The following RNF128 variants were observed in gnomAD, a reference collection of about 807,000 sequenced individuals.
RNF128 encodes the protein ring finger protein 128.
Under a neutral mutation model 26.2 loss-of-function variants are expected in RNF128, and 13 were observed. The ratio of observed to expected loss-of-function variants is 0.50; its 90% CI spans 0.32 to 0.79. The LOEUF (loss-of-function observed/expected upper bound fraction) is 0.79, where lower values mean the gene tolerates loss of function less well. Ranked by LOEUF, RNF128 falls within the 30% of genes least tolerant of loss-of-function variation. RNF128 has a pLI of 0.03. For missense variants in RNF128, 315 were observed against 349.7 expected (o/e 0.90, Z 0.79); for synonymous variants, 149 against 142.5 (o/e 1.05, Z -0.32).
At chrX:106,764,012 G>C (rs1930169155) in intron 1 of RNF128, among the ~76,000 whole-genome samples, 2 of 109,415 alleles carry the variant, frequency 1.8e-5, no homozygotes. Context: ...GCCCAGGCTG[G>C]AGTGCAGTGG....
At chrX:106,751,920 C>T (rs1929897423) in intron 1 of RNF128, among the ~76,000 whole-genome samples, 1 of 109,866 alleles carries the variant, frequency 9.1e-6, no homozygotes, top group Non-Finnish European at 1.9e-5. Flanking sequence ...AGGTGTGACC[C>T]AGCACATTCC....
intron 1 of RNF128, among the ~76,000 whole-genome samples, chrX:106,718,939 T>A (rs989646922): frequency 8.9e-6 from 1 of 111,777 alleles, no homozygotes; most frequent in Non-Finnish European, 1.9e-5. Flanking sequence ...GTTTGAGTCC[T>A]GTGCAGCTGC....
chrX:106,718,457 G>A (rs1363930576), intron 1 of RNF128, among the ~76,000 whole-genome samples: 1 of 111,359 alleles, frequency 9.0e-6, no homozygotes, highest in Non-Finnish European at 1.9e-5. Context: ...CTATGAAGAA[G>A]ATAAAATATT....
chrX:106,715,382 C>A (rs1390196962), intron 1 of RNF128, among the ~76,000 whole-genome samples: 1 of 112,227 alleles, frequency 8.9e-6, no homozygotes, highest in African/African-American at 3.2e-5. Flanking sequence ...CTTTTATAAT[C>A]AGACACAAGC....
intron 1 of RNF128, among the ~76,000 whole-genome samples, chrX:106,705,752 G>A (rs371015713): frequency 7.1e-5 from 8 of 112,060 alleles, no homozygotes; most frequent in African/African-American, 2.6e-4. Flanking sequence ...ATTAGCTGCA[G>A]TTGGAGGCCA....
chrX:106,788,321 A>AATATTATATATACTATATATAATAT (rs1930695592), intron 4 of RNF128, among the ~76,000 whole-genome samples: 3 of 52,691 alleles, frequency 5.7e-5, no homozygotes, highest in East Asian at 1.2e-3. Flanking sequence ...AATATGTATT[A>AATATTATATATACTATATATAATAT]ATATTATATA....
chrX:106,702,805 C>G (rs1220722939), intron 1 of RNF128, among the ~76,000 whole-genome samples: 1 of 111,697 alleles, frequency 9.0e-6, no homozygotes, highest in Non-Finnish European at 1.9e-5. Context: ...TTTGACAGAA[C>G]AGTGGAAGAG....
At chrX:106,744,942 G>A (rs957545284) in intron 1 of RNF128, among the ~76,000 whole-genome samples, 20 of 111,314 alleles carry the variant, frequency 1.8e-4, no homozygotes, top group African/African-American at 6.2e-4. Flanking sequence ...TATGTGATAC[G>A]TTAAACATAA....
upstream of RNF128, among the ~76,000 whole-genome samples, chrX:106,724,976 T>C (rs1192695407): frequency 8.9e-6 from 1 of 112,561 alleles, no homozygotes; most frequent in East Asian, 2.8e-4. Flanking sequence ...AAAACATTAA[T>C]AAATGTCTCT....
chrX:106,718,052 T>G (rs1356541328), intron 1 of RNF128, among the ~76,000 whole-genome samples: 1 of 112,041 alleles, frequency 8.9e-6, no homozygotes, highest in Non-Finnish European at 1.9e-5. Flanking sequence ...CTGACACATG[T>G]TAGCCTGCTT....
rs778077810 is a variant in RNF128 at position 106,727,022 on chromosome X, C to CG, written c.115dup (p.Ala39GlyfsTer2). 9.1e-6 allele frequency: 11 copies of CG among 1,205,821 alleles called. No individual in the cohort carries two copies. The highest frequency in any genetic ancestry group is 1.2e-5 in the Non-Finnish European group (11 of 893,104). Reference sequence around the variant, plus strand: ...CCTGAGTCCGCAGGCACCCGGTTCCCGGGGGGCTGAAGCAGTGTGGACCGC... The same window carrying CG: ...CCTGAGTCCGCAGGCACCCGGTTCCCGGGGGGGCTGAAGCAGTGTGGACCGC... On this transcript the variant is annotated frameshift_variant, in exon 1 of 7. Coordinates refer to ENST00000255499, the MANE Select transcript of RNF128 (RefSeq NM_194463.2). LOFTEE classifies it high-confidence loss of function.
At position 106,697,966 on chromosome X, in the gene RNF128, A is replaced by G. The variant is rs778848006; in HGVS notation, c.406+3558A>G. On this transcript the variant is annotated intron_variant, in intron 1 of 6. Transcript: ENST00000324342. ...TACATATATTTTCATATTCTAGCTT[A>G]CCAGAAGGAATAATGGGATTTTGAC... is the stretch of plus-strand genomic sequence containing the variant. Among the ~76,000 whole-genome samples the G allele has an allele frequency of 5.6e-5, 6 of 108,039 alleles. No individual in the cohort carries two copies. The South Asian group carries it at 2.5e-3, about 46-fold the overall frequency. The allele number at this position is 108,039 out of a possible 115,157, so 93.8% of individuals were successfully genotyped here. A position where few individuals can be genotyped will look rare whatever the true frequency, so the allele number is the denominator to read the frequency against.
chrX:106,737,525 T>C (rs1929620456), intron 1 of RNF128, among the ~76,000 whole-genome samples: 1 of 111,832 alleles, frequency 8.9e-6, no homozygotes, highest in Non-Finnish European at 1.9e-5. Context: ...ATGTAAATAG[T>C]TGTTAATAGC....
chrX:106,753,904 C>T (rs1929947173), intron 1 of RNF128, among the ~76,000 whole-genome samples: 2 of 111,976 alleles, frequency 1.8e-5, no homozygotes, highest in Non-Finnish European at 3.8e-5. Flanking sequence ...GAAGATAGAA[C>T]AAGTGTATAT....
upstream of RNF128, chrX:106,726,648 C>A: frequency 1.0e-6 from 1 of 972,999 alleles, no homozygotes; most frequent in East Asian, 4.8e-5. Context: ...CCTCTACCCC[C>A]AGTCGGCTGG....
At chrX:106,715,210 T>G (rs1929193329) in intron 1 of RNF128, among the ~76,000 whole-genome samples, 1 of 112,045 alleles carries the variant, frequency 8.9e-6, no homozygotes, top group Non-Finnish European at 1.9e-5. Context: ...ACATTTGGTG[T>G]AGACACATTA....
intron 1 of RNF128, among the ~76,000 whole-genome samples, chrX:106,716,924 C>T (rs1294154478): frequency 9.0e-6 from 1 of 111,014 alleles, no homozygotes; most frequent in African/African-American, 3.3e-5. Flanking sequence ...TATATATTGC[C>T]GGTCACGGTG....
intron 1 of RNF128, among the ~76,000 whole-genome samples, chrX:106,753,591 A>G (rs1392338123): frequency 9.0e-6 from 1 of 111,495 alleles, no homozygotes; most frequent in East Asian, 2.8e-4. Flanking sequence ...TAAAATGGGA[A>G]GGGAGTAAGA....
exon 1 of RNF128, chrX:106,694,100 C>T (rs1447218541): frequency 8.3e-7 from 1 of 1,209,238 alleles, no homozygotes; most frequent in African/African-American, 1.7e-5. Flanking sequence ...GCCTATGTGA[C>T]TGTGACTTAT....
Sources: allele counts gnomAD v4.1 joint callset (sites outside exome capture counted in the v4.1 genomes callset), GRCh38; gene constraint gnomAD v4.1.1; transcripts MANE v1.5; gene names NCBI Gene and HGNC (gene_info 2026-07-23, HGNC 2026-07-21).